CCDC12: variants seen among roughly 807,000 people sequenced by gnomAD.
The protein encoded by CCDC12 is coiled-coil domain-containing protein 12.
Under a neutral mutation model 25.7 loss-of-function variants are expected in CCDC12, and 28 were observed. The observed-to-expected ratio is 1.09, with a 90% confidence interval of 0.81 to 1.50. CCDC12 has a LOEUF of 1.50. CCDC12 is among the 40% of genes most tolerant of loss of function. The probability of loss-of-function intolerance (pLI) is 0.00; values close to 1 mark genes in which losing one functional copy is unlikely to be tolerated. For missense variants in CCDC12, 198 were observed against 210.0 expected, an observed-to-expected ratio of 0.94 and a Z score of 0.35; for synonymous variants, 75 against 87.7, an observed-to-expected ratio of 0.86 and a Z score of 0.81.
intron 1 of CCDC12, among the ~76,000 whole-genome samples, chr3:46,943,123 G>C (rs1232067406): frequency 6.6e-6 from 1 of 152,150 alleles, no homozygotes; most frequent in Non-Finnish European, 1.5e-5. Context: ...GGGGTGGACA[G>C]GCAGATGCTT....
chr3:46,962,434 C>CAAAAAAAAAAAAAAAAAA (rs33969115), intron 1 of CCDC12, among the ~76,000 whole-genome samples: 6 of 63,176 alleles, frequency 9.5e-5, no homozygotes, highest in African/African-American at 3.3e-4. Flanking sequence ...AACTCTATCT[C>CAAAAAAAAAAAAAAAAAA]AAAAAAAAAA....
chr3:46,941,187 T>A, intron 1 of CCDC12, 122 bp from the exon 2 acceptor site: 1 of 849,964 alleles, frequency 1.2e-6, no homozygotes, highest in Non-Finnish European at 2.0e-6. Context: ...CCCAGCTTGG[T>A]GTCCCAGACT....
rs189871709 is a variant in CCDC12 at position 46,924,719 on chromosome 3, A to T, written c.244+737T>A. ...AAAAATTAGCCAGGCGCAGTGGCAC[A>T]CACCTGTAATCCCAGCTACTCAGGA... On this transcript the variant is annotated intron_variant, in intron 3 of 6. Coordinates refer to ENST00000683445, the MANE Select transcript of CCDC12 (RefSeq NM_001277074.2). 5.2e-3 allele frequency among the ~76,000 whole-genome samples: 792 copies of T among 152,300 alleles called. 8 individuals carry two copies. Among genetic ancestry groups the T allele is most frequent in the African/African-American group, 0.016 (666 of 41,562 alleles).
intron 1 of CCDC12, chr3:46,976,284 T>G (rs980113808): frequency 1.8e-6 from 2 of 1,124,942 alleles, no homozygotes; most frequent in Non-Finnish European, 2.2e-6. Context: ...AGCTAGGCCA[T>G]AGAGGAACGG....
intron 1 of CCDC12, among the ~76,000 whole-genome samples, chr3:46,963,973 G>T (rs1246420153): frequency 6.6e-6 from 1 of 152,130 alleles, no homozygotes; most frequent in Non-Finnish European, 1.5e-5. Flanking sequence ...GAAGTGAGGA[G>T]CGCCTCTTCC....
chr3:46,974,978 C>T lies in CCDC12; in HGVS notation c.96+1659G>A, dbSNP rs2034920623. On this transcript the variant is annotated intron_variant, in intron 1 of 6. Transcript: ENST00000683445. ...AGAGATGAAGCAATGTGTCCCAAGT[C>T]CAGGTAAAAAAGCAAACTAGGGTTT... Among the ~76,000 whole-genome samples the T allele has an allele frequency of 4.6e-5, 7 of 152,276 alleles. No homozygotes were observed. The South Asian group carries it at 1.4e-3, about 32-fold the overall frequency.
At chr3:46,960,792 C>G (rs1385499444) in intron 1 of CCDC12, among the ~76,000 whole-genome samples, 1 of 152,242 alleles carries the variant, frequency 6.6e-6, no homozygotes, top group Non-Finnish European at 1.5e-5. Flanking sequence ...CTCCGAACAA[C>G]TGGCTTAGAA....
At chr3:46,937,914 C>T (rs2033517698) in intron 2 of CCDC12, among the ~76,000 whole-genome samples, 2 of 152,184 alleles carry the variant, frequency 1.3e-5, no homozygotes, top group Admixed American at 1.3e-4. Context: ...CTGGGGCCTA[C>T]AAATACAGGC....
At chr3:46,977,013 G>C (rs967359230), upstream of CCDC12, 7 of 504,052 alleles carry the variant, frequency 1.4e-5, no homozygotes, top group African/African-American at 2.0e-5. Flanking sequence ...ACGCTGATCA[G>C]TGAAAGAGCA....
At chr3:46,967,414 C>T (rs906286437) in intron 1 of CCDC12, among the ~76,000 whole-genome samples, 2 of 152,158 alleles carry the variant, frequency 1.3e-5, no homozygotes, top group East Asian at 1.9e-4. Context: ...CACCCTCATC[C>T]CCCTTCCATA....
At chr3:46,946,318 G>A (rs2033904467) in intron 1 of CCDC12, among the ~76,000 whole-genome samples, 1 of 152,256 alleles carries the variant, frequency 6.6e-6, no homozygotes, top group Non-Finnish European at 1.5e-5. Context: ...TCTGTGCCAT[G>A]AGTAGTAAGG....
At chr3:46,979,835 G>A, upstream of CCDC12, 1 of 421,596 alleles carries the variant, frequency 2.4e-6, no homozygotes, top group Non-Finnish European at 4.1e-6. Flanking sequence ...CAGGTGGCGC[G>A]CAGCAGGGCC....
chr3:46,926,049 G>A (rs2032943880), intron 2 of CCDC12, among the ~76,000 whole-genome samples: 1 of 152,238 alleles, frequency 6.6e-6, no homozygotes, highest in Non-Finnish European at 1.5e-5. Flanking sequence ...TTCCTGCCCT[G>A]GGGCTCATGC....
At chr3:46,949,408 G>A (rs114119878) in intron 1 of CCDC12, among the ~76,000 whole-genome samples, 178 of 152,306 alleles carry the variant, frequency 1.2e-3, no homozygotes, top group Non-Finnish European at 2.1e-3. Context: ...CAGAGGGCAG[G>A]GCAAAGACCA....
chr3:46,973,560 G>T (rs1415873362), intron 1 of CCDC12, among the ~76,000 whole-genome samples: 1 of 147,986 alleles, frequency 6.8e-6, no homozygotes, highest in East Asian at 2.0e-4. Context: ...CTACCCAAAA[G>T]AATTTAAAGC....
At chr3:46,946,994 T>C (rs2033933611) in intron 1 of CCDC12, among the ~76,000 whole-genome samples, 1 of 152,138 alleles carries the variant, frequency 6.6e-6, no homozygotes, top group African/African-American at 2.4e-5. Flanking sequence ...ATCTAGGGTC[T>C]TCCCACCCTT....
At chr3:46,928,763 T>G (rs2033083450) in intron 2 of CCDC12, among the ~76,000 whole-genome samples, 1 of 152,202 alleles carries the variant, frequency 6.6e-6, no homozygotes, top group African/African-American at 2.4e-5. Context: ...CAAGAAATAC[T>G]AAAAGGAATA....
chr3:46,966,804 T>G (rs1445910440), intron 1 of CCDC12, among the ~76,000 whole-genome samples: 1 of 152,154 alleles, frequency 6.6e-6, no homozygotes, highest in Non-Finnish European at 1.5e-5. Flanking sequence ...TGGCCTGGAT[T>G]CCACTGGCAC....
intron 1 of CCDC12, among the ~76,000 whole-genome samples, chr3:46,975,114 G>T (rs571558837): frequency 5.3e-5 from 8 of 152,266 alleles, no homozygotes; most frequent in African/African-American, 1.9e-4. Flanking sequence ...AAAGAAAAAT[G>T]CTTCCGAATA....
Sources: allele counts gnomAD v4.1 joint callset (sites outside exome capture counted in the v4.1 genomes callset), GRCh38; gene constraint gnomAD v4.1.1; transcripts MANE v1.5; gene names NCBI Gene and HGNC (gene_info 2026-07-23, HGNC 2026-07-21).